NELL1: variants seen among roughly 807,000 people sequenced by gnomAD.
NELL1 encodes neural EGFL like 1.
In NELL1, 76 loss-of-function variants were observed where a neutral mutation model predicts 107.4. The ratio of observed to expected loss-of-function variants is 0.71; its 90% confidence interval spans 0.59 to 0.86. The LOEUF (loss-of-function observed/expected upper bound fraction) is 0.86, where lower values mean the gene tolerates loss of function less well. Ranked by LOEUF, NELL1 falls within the 40% of genes least tolerant of loss-of-function variation. The pLI is 0.00. For missense variants in NELL1, 1,024 were observed against 1,005.5 expected (o/e 1.02, Z -0.25); for synonymous variants, 353 against 341.2 (o/e 1.03, Z -0.38).
At chr11:21,321,310 A>G (rs1173054788) in intron 14 of NELL1, among the ~76,000 whole-genome samples, 3 of 151,942 alleles carry the variant, frequency 2.0e-5, no homozygotes, top group African/African-American at 7.3e-5. Flanking sequence ...GAAGAGGGAA[A>G]GATCATGGCC....
chr11:21,052,555 T>C (rs1005594434), intron 12 of NELL1, among the ~76,000 whole-genome samples: 2 of 152,138 alleles, frequency 1.3e-5, no homozygotes, highest in African/African-American at 4.8e-5. Context: ...TAATCTTCTA[T>C]ATGCCAGCTA....
At chr11:20,910,380 G>T (rs192055603) in intron 5 of NELL1, among the ~76,000 whole-genome samples, 6 of 152,154 alleles carry the variant, frequency 3.9e-5, no homozygotes, top group Non-Finnish European at 7.3e-5. Context: ...TGAAGTGAGG[G>T]TGTACAAAGT....
At chr11:20,827,348 T>C (rs965770184) in intron 3 of NELL1, among the ~76,000 whole-genome samples, 1 of 151,276 alleles carries the variant, frequency 6.6e-6, no homozygotes. Flanking sequence ...TCTGTATGGC[T>C]TGGAGGGATT....
In NELL1 at chr11:20,707,543, G is replaced by A. The variant is rs1854998853; in HGVS notation, c.184+29483G>A. Among the ~76,000 whole-genome samples the A allele has an allele frequency of 6.6e-5, 10 of 152,280 alleles. No homozygotes were observed. In the South Asian group the frequency reaches 1.9e-3, roughly 28 times the overall value. On this transcript the variant is annotated intron_variant, in intron 2 of 19. Coordinates refer to ENST00000357134, the MANE Select transcript of NELL1 (RefSeq NM_006157.5). ...TTGATGATGGTGATGTACAGATTGG[G>A]TTTTGGTGTGGATGTCCTTTCTGTT...
At chr11:20,673,974 G>A (rs1853984810) in intron 1 of NELL1, among the ~76,000 whole-genome samples, 1 of 152,066 alleles carries the variant, frequency 6.6e-6, no homozygotes, top group Non-Finnish European at 1.5e-5. Flanking sequence ...ATCCTGCTAT[G>A]GGCACGAGGC....
At chr11:21,148,041 A>G (rs1856026048) in intron 13 of NELL1, among the ~76,000 whole-genome samples, 1 of 152,084 alleles carries the variant, frequency 6.6e-6, no homozygotes, top group African/African-American at 2.4e-5. Context: ...GGGGCAGGCC[A>G]GCTATGTTAG....
intron 16 of NELL1, among the ~76,000 whole-genome samples, chr11:21,538,302 A>T (rs919250402): frequency 6.6e-6 from 1 of 152,140 alleles, no homozygotes; most frequent in African/African-American, 2.4e-5. Flanking sequence ...CCATTATTGT[A>T]AGCTTGAATA....
intron 3 of NELL1, among the ~76,000 whole-genome samples, chr11:20,839,756 C>T (rs1762394791): frequency 6.6e-6 from 1 of 152,208 alleles, no homozygotes; most frequent in Admixed American, 6.5e-5. Flanking sequence ...AGCCTCTTTA[C>T]ATCTGGCATA....
At chr11:21,433,613 T>C (rs73461266) in intron 15 of NELL1, among the ~76,000 whole-genome samples, 4,441 of 152,200 alleles carry the variant, frequency 0.029, 222 homozygotes, top group African/African-American at 0.099. Flanking sequence ...TTTTTGTTTT[T>C]ATTTTGGTGA....
At chr11:21,016,487 C>T (rs995922225) in intron 12 of NELL1, among the ~76,000 whole-genome samples, 1 of 152,090 alleles carries the variant, frequency 6.6e-6, no homozygotes, top group Non-Finnish European at 1.5e-5. Flanking sequence ...CTTACCCACA[C>T]GTACCCTTTG....
intron 13 of NELL1, among the ~76,000 whole-genome samples, chr11:21,148,883 T>A (rs138685457): frequency 6.6e-6 from 1 of 152,196 alleles, no homozygotes; most frequent in Non-Finnish European, 1.5e-5. Context: ...AGGGGCCACA[T>A]TGTGGTCCTG....
chr11:21,399,608 G>T (rs1276996559), intron 15 of NELL1, among the ~76,000 whole-genome samples: 1 of 151,796 alleles, frequency 6.6e-6, no homozygotes, highest in African/African-American at 2.4e-5. Context: ...TGTGTTTGCT[G>T]ATTTAAGCAT....
At chr11:20,925,791 T>C (rs1346523587) in intron 7 of NELL1, among the ~76,000 whole-genome samples, 1 of 152,102 alleles carries the variant, frequency 6.6e-6, no homozygotes, top group Non-Finnish European at 1.5e-5. Context: ...TAAATTTTCT[T>C]GAGAAATTCC....
In NELL1 at chr11:21,409,736, C is replaced by A. The variant is rs575743844; in HGVS notation, c.1645+38788C>A. On this transcript the variant is annotated intron_variant, in intron 15 of 19. Transcript: ENST00000357134. ...CTATTACATTGACATCACATTTATTCCCCATATAAACTGGTCAGATTTTAC... is the reference window on the plus strand; with the variant it reads ...CTATTACATTGACATCACATTTATTACCCATATAAACTGGTCAGATTTTAC... 4.6e-5 allele frequency among the ~76,000 whole-genome samples: 7 copies of A among 151,878 alleles called. No homozygotes were observed. In the South Asian group the frequency reaches 1.1e-3, roughly 23 times the overall value.
At chr11:21,083,361 C>T (rs188584258) in intron 12 of NELL1, among the ~76,000 whole-genome samples, 2 of 152,292 alleles carry the variant, frequency 1.3e-5, no homozygotes, top group African/African-American at 2.4e-5. Context: ...CCAAACTTTA[C>T]TGCTAAATTT....
In NELL1 at chr11:20,669,894, T is replaced by C; in HGVS notation, c.55+116T>C. ...GCTGGTCTGGGGAACGGCGGTAGCG[T>C]GGACCGGTTCCTGGGATCTCTTTGC... is the stretch of plus-strand genomic sequence containing the variant. On this transcript the variant is annotated intron_variant, in intron 1 of 19. Transcript: ENST00000357134. The surrounding 1 kb of genome is among the most constrained non-coding windows in gnomAD (Gnocchi z 4.4). The C allele has an allele frequency of 1.2e-6, 1 of 838,022 alleles. No homozygotes were observed. Among genetic ancestry groups the C allele is most frequent in the Non-Finnish European group, 2.0e-6 (1 of 492,834 alleles). The allele number at this position is 838,022 out of a possible 1,614,324, so 51.9% of individuals were successfully genotyped here. A position where few individuals can be genotyped will look rare whatever the true frequency, so the allele number is the denominator to read the frequency against.
At chr11:21,069,990 G>A (rs1407310708) in intron 12 of NELL1, among the ~76,000 whole-genome samples, 2 of 152,086 alleles carry the variant, frequency 1.3e-5, no homozygotes, top group Admixed American at 6.5e-5. Context: ...ATAGATAGAC[G>A]CTCATAGATA....
chr11:21,151,731 T>A (rs1247847726), intron 13 of NELL1, among the ~76,000 whole-genome samples: 2 of 152,224 alleles, frequency 1.3e-5, no homozygotes, highest in Non-Finnish European at 2.9e-5. Flanking sequence ...GAAATCTTGA[T>A]GAATTTGCTT....
intron 12 of NELL1, among the ~76,000 whole-genome samples, chr11:21,079,470 A>C (rs1854214690): frequency 6.6e-6 from 1 of 152,092 alleles, no homozygotes; most frequent in Admixed American, 6.5e-5. Context: ...TATTACCAAC[A>C]ATGATAGTAG....
Sources: allele counts gnomAD v4.1 joint callset (sites outside exome capture counted in the v4.1 genomes callset), GRCh38; gene constraint gnomAD v4.1.1; non-coding constraint Gnocchi (gnomAD v3.1); transcripts MANE v1.5; gene names NCBI Gene and HGNC (gene_info 2026-07-23, HGNC 2026-07-21).